TPRA1: variants seen among roughly 807,000 people sequenced by gnomAD.
The protein encoded by TPRA1 is transmembrane protein adipocyte-associated 1.
TPRA1 carries 28 observed loss-of-function variants against 40.1 expected under a neutral mutation model. The ratio of observed to expected loss-of-function variants is 0.70; its 90% CI spans 0.52 to 0.96. TPRA1 has a LOEUF of 0.96. TPRA1 is among the 40% of genes least tolerant of loss of function. TPRA1 has a pLI of 0.00. For missense variants in TPRA1, 441 were observed against 482.6 expected, an observed-to-expected ratio of 0.91 and a Z score of 0.81; for synonymous variants, 219 against 209.7, an observed-to-expected ratio of 1.04 and a Z score of -0.38.
At chr3:127,582,565 G>A (rs1278496705) in intron 1 of TPRA1, among the ~76,000 whole-genome samples, 2 of 152,058 alleles carry the variant, frequency 1.3e-5, no homozygotes, top group Non-Finnish European at 2.9e-5. Context: ...AGCCAGGCAT[G>A]GTGGCGTCCA....
chr3:127,582,664 T>C (rs2073868764), intron 1 of TPRA1, among the ~76,000 whole-genome samples: 1 of 143,492 alleles, frequency 7.0e-6, no homozygotes, highest in Non-Finnish European at 1.5e-5. Flanking sequence ...ATCGTGCCAC[T>C]GCACTCCAGC....
chr3:127,579,609 G>T (rs2073758266), intron 3 of TPRA1, 131 bp downstream of exon 3: 1 of 1,054,496 alleles, frequency 9.5e-7, no homozygotes, highest in Non-Finnish European at 1.4e-6. Flanking sequence ...TGCAGAAACA[G>T]ATCCTAACGA....
intron 2 of TPRA1, 27 bp downstream of exon 2, chr3:127,579,995 G>T: frequency 6.2e-7 from 1 of 1,612,598 alleles, no homozygotes. Context: ...CACTCAGCGA[G>T]CCTGCCCAGC....
At chr3:127,578,334 T>C (rs769630501) in intron 3 of TPRA1, among the ~76,000 whole-genome samples, 5 of 152,216 alleles carry the variant, frequency 3.3e-5, no homozygotes, top group Non-Finnish European at 5.9e-5. Context: ...ACATCTGTTA[T>C]GCAGAAGGGC....
intron 1 of TPRA1, among the ~76,000 whole-genome samples, chr3:127,582,953 GAC>G (rs915811739): frequency 3.3e-5 from 5 of 152,006 alleles, no homozygotes; most frequent in African/African-American, 1.2e-4. Context: ...AGACCACCCT[GAC>G]CAACATGGAA....
chr3:127,574,665 G>A (rs1428470010), intron 10 of TPRA1, among the ~76,000 whole-genome samples: 2 of 152,230 alleles, frequency 1.3e-5, no homozygotes, highest in African/African-American at 4.8e-5. Flanking sequence ...GAATGCTTGC[G>A]AATGAATGAG....
At chr3:127,591,844 GCAGATTGTAGGC>G (rs1172032510), upstream of TPRA1, 2 of 152,168 alleles carry the variant, frequency 1.3e-5, no homozygotes, top group Non-Finnish European at 2.9e-5. Context: ...AGAGCCTCGT[GCAGATTGTAGGC>G]ACTCAGTTAT....
chr3:127,576,944 C>G lies in TPRA1; in HGVS notation c.345+46G>C. 1 of 1,613,516 alleles carries G rather than the reference C, an allele frequency of 6.2e-7. No individual in the cohort carries two copies. The highest frequency in any genetic ancestry group is 8.5e-7 in the Non-Finnish European group (1 of 1,179,872). ...AGCCTGGACCAGCATCCCCAGCCCA[C>G]CCCAGGCCAGGCCTCCCTGGCCTCC... On this transcript the variant is annotated intron_variant, in intron 4 of 10. Coordinates refer to ENST00000355552, the MANE Select transcript of TPRA1 (RefSeq NM_001136053.4). This position sits in a 1 kb window ranked among gnomAD's most constrained non-coding sequence, Gnocchi z 4.6.
intron 10 of TPRA1, among the ~76,000 whole-genome samples, chr3:127,574,287 G>A (rs1426868758): frequency 6.6e-6 from 1 of 152,198 alleles, no homozygotes; most frequent in Non-Finnish European, 1.5e-5. Context: ...AAAGATCCAA[G>A]CTGGGGCCAT....
chr3:127,593,964 G>T (rs536652007), upstream of TPRA1, among the ~76,000 whole-genome samples: 1 of 152,360 alleles, frequency 6.6e-6, no homozygotes, highest in African/African-American at 2.4e-5. Context: ...ACAGTCTGAA[G>T]GAGACTGGGC....
At chr3:127,579,036 C>A (rs896184874) in intron 3 of TPRA1, among the ~76,000 whole-genome samples, 13 of 152,042 alleles carry the variant, frequency 8.6e-5, no homozygotes, top group Admixed American at 6.5e-4. Flanking sequence ...CTGAAGCCCA[C>A]ACCTGGCACC....
At chr3:127,590,133 C>A (rs2074124334) in intron 1 of TPRA1, among the ~76,000 whole-genome samples, 1 of 152,184 alleles carries the variant, frequency 6.6e-6, no homozygotes, top group Non-Finnish European at 1.5e-5. Flanking sequence ...CTGCCTCCAG[C>A]CGGGGCCGAG....
chr3:127,592,302 T>G (rs890113077), upstream of TPRA1, among the ~76,000 whole-genome samples: 13 of 152,046 alleles, frequency 8.6e-5, no homozygotes, highest in Non-Finnish European at 1.3e-4. Context: ...TGTAAGGTTC[T>G]TGTATCGGTT....
In TPRA1 at chr3:127,576,144, AC is replaced by A; in HGVS notation, c.499-95del. The A allele has an allele frequency of 1.0e-6, 1 of 985,186 alleles. No homozygotes were observed. The highest frequency in any genetic ancestry group is 1.6e-6 in the Non-Finnish European group (1 of 636,986). The allele number at this position is 985,186 out of a possible 1,614,324, so 61.0% of individuals were successfully genotyped here. ...TGATGCAAAGCCCCCTAAGCTCTCC[AC>A]CACACCAAGTTCAGCCTCTTGGCCT... On this transcript the variant is annotated intron_variant, in intron 6 of 10. Coordinates refer to ENST00000355552, the MANE Select transcript of TPRA1 (RefSeq NM_001136053.4). The surrounding 1 kb of genome is among the most constrained non-coding windows in gnomAD (Gnocchi z 4.6).
chr3:127,594,180 AG>A (rs2074220667), upstream of TPRA1, among the ~76,000 whole-genome samples: 1 of 152,246 alleles, frequency 6.6e-6, no homozygotes, highest in Admixed American at 6.5e-5. Context: ...GGGGCACACC[AG>A]AACATCCCCC....
intron 1 of TPRA1, among the ~76,000 whole-genome samples, chr3:127,588,860 G>A (rs2074080935): frequency 6.6e-6 from 1 of 152,224 alleles, no homozygotes; most frequent in South Asian, 2.1e-4. Context: ...ATACAGAGGA[G>A]AGGAGAGGCA....
In TPRA1 at chr3:127,571,815, C is replaced by A. The variant is rs565915973; in HGVS notation, c.*1706G>T. 2.6e-5 allele frequency: 4 copies of A among 152,218 alleles called. No individual in the cohort carries two copies. The highest frequency in any genetic ancestry group is 6.5e-5 in the Admixed American group (1 of 15,276). 9.4% of individuals were successfully genotyped at this position (152,218 alleles called of 1,614,324 possible). On this transcript the variant is annotated 3_prime_UTR_variant, in exon 11 of 11. Coordinates refer to ENST00000355552, the MANE Select transcript of TPRA1 (RefSeq NM_001136053.4). ...TTTTTCTTGCCATGTACATATATGA[C>A]CTATTTTTAAAAAACAAACTTAAAA...
chr3:127,575,838 G>A lies in TPRA1; in HGVS notation c.610-29C>T, dbSNP rs2073597912. On this transcript the variant is annotated intron_variant, in intron 7 of 10. Coordinates refer to ENST00000355552, the MANE Select transcript of TPRA1 (RefSeq NM_001136053.4). Reference sequence around the variant, plus strand: ...CAGAGACAGGCAGGGCTGAGAAGGTGCTGGGGGCGCCAGCCCAGACCCACA... The same window carrying A: ...CAGAGACAGGCAGGGCTGAGAAGGTACTGGGGGCGCCAGCCCAGACCCACA... The A allele has an allele frequency of 2.5e-6, 4 of 1,613,298 alleles. No homozygotes were observed. The East Asian group carries it at 8.9e-5, about 36-fold the overall frequency.
intron 10 of TPRA1, 103 bp downstream of exon 10, chr3:127,575,082 T>TGA (rs2073543766): frequency 5.5e-6 from 7 of 1,268,482 alleles, no homozygotes; most frequent in Non-Finnish European, 7.9e-6. Flanking sequence ...GCATGCGCAC[T>TGA]GTATGCATAC....
Sources: allele counts gnomAD v4.1 joint callset (sites outside exome capture counted in the v4.1 genomes callset), GRCh38; gene constraint gnomAD v4.1.1; non-coding constraint Gnocchi (gnomAD v3.1); transcripts MANE v1.5; gene names NCBI Gene and HGNC (gene_info 2026-07-23, HGNC 2026-07-21).